The following MAGI1 variants were observed in gnomAD, a reference collection of about 807,000 sequenced individuals.
MAGI1 encodes membrane associated guanylate kinase, WW and PDZ domain containing 1.
Under a neutral mutation model 139.9 loss-of-function variants are expected in MAGI1, and 58 were observed. That is an observed-to-expected ratio of 0.41 (90% CI 0.34 to 0.52). MAGI1 has a LOEUF of 0.52. MAGI1 is among the 20% of genes least tolerant of loss of function. The pLI is 0.12. For synonymous variants in MAGI1, 812 were observed against 737.9 expected (o/e 1.10, Z -1.63); for missense variants, 1,874 against 1,901.6 (o/e 0.99, Z 0.27).
intron 1 of MAGI1, among the ~76,000 whole-genome samples, chr3:65,979,351 G>A (rs1254194072): frequency 2.0e-5 from 3 of 152,026 alleles, no homozygotes; most frequent in South Asian, 2.1e-4. Flanking sequence ...AACCATTCTC[G>A]CAGTTAAATT....
At chr3:65,718,205 T>G (rs2032512335) in intron 1 of MAGI1, among the ~76,000 whole-genome samples, 1 of 152,146 alleles carries the variant, frequency 6.6e-6, no homozygotes, top group South Asian at 2.1e-4. Context: ...CACAAACTTT[T>G]TTTTTTAGAG....
chr3:65,415,335 A>C (rs148753287), intron 12 of MAGI1, among the ~76,000 whole-genome samples: 100 of 152,338 alleles, frequency 6.6e-4, no homozygotes, highest in African/African-American at 2.2e-3. Flanking sequence ...TGACAGAGCA[A>C]GGGGCCAGAA....
rs374663733 is a variant in MAGI1, at chr3:65,585,612, T to G, written c.430+36360A>C. Among the ~76,000 whole-genome samples, 9 of 152,284 alleles carry G rather than the reference T, an allele frequency of 5.9e-5. No homozygotes were observed. In the East Asian group the frequency reaches 7.7e-4, roughly 13 times the overall value. On this transcript the variant is annotated intron_variant, in intron 2 of 22. Coordinates refer to ENST00000402939, the MANE Select transcript of MAGI1 (RefSeq NM_001033057.2). ...GCCACTTTGGAAAAAGCTTGACAGTTTCTTATAAAGTTGGACATATATGTG... is the reference window on the plus strand; with the variant it reads ...GCCACTTTGGAAAAAGCTTGACAGTGTCTTATAAAGTTGGACATATATGTG...
Position 65,361,296 on chromosome 3 carries a change from T to A in MAGI1, c.3537A>T (p.Lys1179Asn). The A allele has an allele frequency of 6.2e-7, 1 of 1,614,120 alleles. No homozygotes were observed. The highest frequency in any genetic ancestry group is 8.5e-7 in the Non-Finnish European group (1 of 1,179,992). The change falls in exon 22 of 23, where the codon AAA becomes AAT. Residue 1179 changes from lysine (K) to asparagine (N), a missense_variant. By Grantham distance (94) the Lys-to-Asn change is moderately conservative (BLOSUM62 0). Coordinates refer to ENST00000402939, the MANE Select transcript of MAGI1 (RefSeq NM_001033057.2). ...CTATAGCTCGAGAATGCTTCATGTT[T>A]TTGGTGGTCTCACCATTGATCTCTA... ...EILEINGETTKNMKHSRAIEL... is the reference protein window; with the variant it reads ...EILEINGETTNNMKHSRAIEL...
intron 1 of MAGI1, among the ~76,000 whole-genome samples, chr3:65,691,307 A>AAAAAAAAAAAAAG (rs1388046202): frequency 7.5e-6 from 1 of 133,658 alleles, no homozygotes; most frequent in Non-Finnish European, 1.7e-5. Flanking sequence ...CGTCTCAAAA[A>AAAAAAAAAAAAAG]AAAAAAAAGA....
chr3:65,419,554 A>G (rs1946495455), intron 12 of MAGI1, among the ~76,000 whole-genome samples: 1 of 152,172 alleles, frequency 6.6e-6, no homozygotes, highest in African/African-American at 2.4e-5. Context: ...ACCAAACCCC[A>G]GATTCCAGAC....
intron 1 of MAGI1, among the ~76,000 whole-genome samples, chr3:65,926,711 G>C (rs1340605487): frequency 6.6e-6 from 1 of 152,024 alleles, no homozygotes; most frequent in Non-Finnish European, 1.5e-5. Context: ...GTCTAAAATG[G>C]GGGCCGGGCG....
intron 3 of MAGI1, among the ~76,000 whole-genome samples, chr3:65,479,258 G>C (rs531190543): frequency 4.3e-4 from 66 of 152,254 alleles, no homozygotes; most frequent in African/African-American, 1.5e-3. Flanking sequence ...AGGGAACCAG[G>C]GCAATATTTA....
intron 18 of MAGI1, among the ~76,000 whole-genome samples, chr3:65,372,440 C>T (rs537259759): frequency 1.3e-5 from 2 of 152,182 alleles, no homozygotes; most frequent in Admixed American, 6.5e-5. Flanking sequence ...TTCTAGAGCA[C>T]AGGCAGAGTA....
intron 1 of MAGI1, among the ~76,000 whole-genome samples, chr3:66,015,926 A>T (rs1422464800): frequency 6.6e-6 from 1 of 152,228 alleles, no homozygotes; most frequent in Non-Finnish European, 1.5e-5. Flanking sequence ...TTGAGACTTC[A>T]AGAAATCGAA....
At chr3:65,835,704 A>G (rs904119544) in intron 1 of MAGI1, among the ~76,000 whole-genome samples, 5 of 152,218 alleles carry the variant, frequency 3.3e-5, no homozygotes, top group Admixed American at 6.5e-5. Flanking sequence ...GAAAAACAAG[A>G]AATCTAAACT....
At chr3:66,012,241 T>C (rs1170708078) in intron 1 of MAGI1, among the ~76,000 whole-genome samples, 2 of 152,076 alleles carry the variant, frequency 1.3e-5, no homozygotes, top group Admixed American at 1.3e-4. Context: ...CTTGGACAAG[T>C]TATCAAGTAA....
intron 1 of MAGI1, among the ~76,000 whole-genome samples, chr3:65,905,060 A>G (rs1241544078): frequency 1.3e-5 from 2 of 152,234 alleles, no homozygotes; most frequent in African/African-American, 4.8e-5. Context: ...GAGCTTAAAA[A>G]TTATACTAAA....
chr3:65,621,453 T>C lies in MAGI1; in HGVS notation c.430+519A>G, dbSNP rs75984713. 4.8e-3 allele frequency among the ~76,000 whole-genome samples: 733 copies of C among 152,302 alleles called. 33 individuals carry two copies. The East Asian group carries it at 0.12, about 24-fold the overall frequency. On this transcript the variant is annotated intron_variant, in intron 2 of 22. Coordinates refer to ENST00000402939, the MANE Select transcript of MAGI1 (RefSeq NM_001033057.2). ...GAAATCATTTCTTTGAACAAAATTA[T>C]ACATAAAATCCTGACTTATGAATCT...
intron 1 of MAGI1, among the ~76,000 whole-genome samples, chr3:65,929,133 G>A (rs1488680423): frequency 6.9e-6 from 1 of 144,436 alleles, no homozygotes; most frequent in Non-Finnish European, 1.5e-5. Flanking sequence ...CAGCCTGAGT[G>A]ACAAAGGGAG....
intron 1 of MAGI1, among the ~76,000 whole-genome samples, chr3:65,662,398 G>A (rs1296439152): frequency 6.6e-6 from 1 of 152,208 alleles, no homozygotes; most frequent in Non-Finnish European, 1.5e-5. Context: ...TACGGTCTCT[G>A]TAGCAACTAC....
chr3:65,922,139 A>G (rs1576063424), intron 1 of MAGI1, among the ~76,000 whole-genome samples: 1 of 152,168 alleles, frequency 6.6e-6, no homozygotes, highest in South Asian at 2.1e-4. Context: ...TCCCTTTTAC[A>G]GAAACAGAGA....
intron 1 of MAGI1, among the ~76,000 whole-genome samples, chr3:65,962,680 C>T (rs1468826595): frequency 6.6e-6 from 1 of 151,560 alleles, no homozygotes; most frequent in Non-Finnish European, 1.5e-5. Context: ...ACTAAAAACG[C>T]TGGGCGTGGT....
chr3:65,375,698 G>T, intron 18 of MAGI1, 47 bp downstream of exon 18: 1 of 1,309,664 alleles, frequency 7.6e-7, no homozygotes, highest in Non-Finnish European at 1.1e-6. Context: ...CAGAGACAGA[G>T]AGAGAGAAAA....
Sources: allele counts gnomAD v4.1 joint callset (sites outside exome capture counted in the v4.1 genomes callset), GRCh38; gene constraint gnomAD v4.1.1; transcripts MANE v1.5; gene names NCBI Gene and HGNC (gene_info 2026-07-23, HGNC 2026-07-21).